SULT6B1: variants seen among roughly 807,000 people sequenced by gnomAD.
SULT6B1 encodes the protein sulfotransferase family 6B member 1.
Under a neutral mutation model 37.2 loss-of-function variants are expected in SULT6B1, and 44 were observed. The ratio of observed to expected loss-of-function variants is 1.18; its 90% CI spans 0.93 to 1.52. The LOEUF (loss-of-function observed/expected upper bound fraction) is 1.52. Among genes scored for constraint, SULT6B1 ranks in the 40% most tolerant of loss-of-function variants. The pLI is 0.00. For synonymous variants in SULT6B1, 140 were observed against 126.0 expected, an observed-to-expected ratio of 1.11 and a Z score of -0.74; for missense variants, 450 against 361.0, an observed-to-expected ratio of 1.25 and a Z score of -2.00.
upstream of SULT6B1, among the ~76,000 whole-genome samples, chr2:37,191,643 G>A (rs1384650651): frequency 6.6e-6 from 1 of 152,216 alleles, no homozygotes; most frequent in East Asian, 1.9e-4. Context: ...GAGTTTTATT[G>A]AACAATGGAA....
upstream of SULT6B1, among the ~76,000 whole-genome samples, chr2:37,190,214 A>T (rs1426484823): frequency 6.6e-6 from 1 of 152,232 alleles, no homozygotes. Flanking sequence ...GATAAGTCAA[A>T]TATCTATAAA....
chr2:37,195,610 T>C (rs1465872929), intron 1 of SULT6B1, among the ~76,000 whole-genome samples: 1 of 152,184 alleles, frequency 6.6e-6, no homozygotes, highest in Non-Finnish European at 1.5e-5. Context: ...TTATTTGTGG[T>C]AAATACCCCT....
chr2:37,190,066 A>T (rs1366894647), upstream of SULT6B1: 1 of 152,250 alleles, frequency 6.6e-6, no homozygotes, highest in African/African-American at 2.4e-5. Flanking sequence ...GTGAAAGAGC[A>T]TAATTGTTCA....
chr2:37,183,572 G>T, intron 2 of SULT6B1, 58 bp from the exon 3 acceptor site: 1 of 1,258,008 alleles, frequency 7.9e-7, no homozygotes, highest in Non-Finnish European at 1.2e-6. Context: ...GTGTGTGTGT[G>T]TTGAATCACT....
At chr2:37,187,328 G>A in intron 2 of SULT6B1, 27 bp downstream of exon 2, 1 of 1,391,300 alleles carries the variant, frequency 7.2e-7, no homozygotes, top group African/African-American at 1.4e-5. Flanking sequence ...ATAATTTGCT[G>A]TAAGGTTAAA....
At chr2:37,178,993 C>T (rs986645074) in intron 4 of SULT6B1, among the ~76,000 whole-genome samples, 3 of 152,082 alleles carry the variant, frequency 2.0e-5, no homozygotes, top group Non-Finnish European at 2.9e-5. Flanking sequence ...GACAGAGTCT[C>T]GCTTTGCCAA....
At position 37,176,340 on chromosome 2, in the gene SULT6B1, G is replaced by A. The variant is rs181913220; in HGVS notation, c.530-1114C>T. The stretch of plus-strand genomic sequence containing the variant: ...TGCAGTGGTGCAATCTCAGCTCACT[G>A]CAACCTCTGCCTCCCGGTTTCAAGC... On this transcript the variant is annotated intron_variant, in intron 4 of 6. Coordinates refer to ENST00000535679, the MANE Select transcript of SULT6B1 (RefSeq NM_001367551.1). Among the ~76,000 whole-genome samples the A allele has an allele frequency of 4.6e-5, 6 of 131,676 alleles. No individual in the cohort carries two copies. In the Admixed American group the frequency reaches 4.8e-4, roughly 11 times the overall value. 86.4% of individuals were successfully genotyped at this position (131,676 alleles called of 152,430 possible).
In SULT6B1 at chr2:37,167,982, T is replaced by A; in HGVS notation, c.865A>T (p.Thr289Ser). The change falls in exon 7 of 7, where the codon ACC becomes TCC. Residue 289 changes from threonine (T) to serine (S), a missense_variant. Transcript: ENST00000535679. The part of the protein sequence containing the change: ...DEKFKECLAG[T>S]SLGAKLKYES... ...TACTTCAACTTTGCTCCGAGGGAGGTGCCTGCTAAGCACTCTTTGAATTTT... is the reference window on the plus strand; with the variant it reads ...TACTTCAACTTTGCTCCGAGGGAGGAGCCTGCTAAGCACTCTTTGAATTTT... The A allele has an allele frequency of 6.2e-7, 1 of 1,600,312 alleles. No homozygotes were observed. Among genetic ancestry groups the A allele is most frequent in the Non-Finnish European group, 8.5e-7 (1 of 1,176,802 alleles).
chr2:37,186,102 G>T (rs1013706000), intron 2 of SULT6B1, among the ~76,000 whole-genome samples: 1 of 152,160 alleles, frequency 6.6e-6, no homozygotes, highest in Non-Finnish European at 1.5e-5. Context: ...CTTCCATCTA[G>T]GTTCCAACTT....
intron 2 of SULT6B1, among the ~76,000 whole-genome samples, chr2:37,184,875 C>A (rs1298425388): frequency 6.6e-6 from 1 of 151,308 alleles, no homozygotes; most frequent in East Asian, 1.9e-4. Flanking sequence ...TCAACTCAAG[C>A]AAGGGGGCAA....
intron 3 of SULT6B1, among the ~76,000 whole-genome samples, chr2:37,182,951 G>GT (rs1400396087): frequency 6.6e-6 from 1 of 152,188 alleles, no homozygotes. Flanking sequence ...GGAGGCCTTG[G>GT]TGGCAGAAGG....
chr2:37,188,537 T>C lies in SULT6B1; in HGVS notation c.104A>G (p.Tyr35Cys). ...TTCTGAGGTGCACATGGTGATGGGG[T>C]AAGGAATCCCCTGATAGGTGAAAAA... ...HLFFTYQGIP[Y>C]PITMCTSETF... Residue 35 changes from tyrosine (Y) to cysteine (C), a missense_variant, in exon 1 of 7, where the codon TAC (tyrosine) becomes TGC (cysteine). Coordinates refer to ENST00000535679, the MANE Select transcript of SULT6B1 (RefSeq NM_001367551.1). 1 of 1,613,956 alleles carries C rather than the reference T, an allele frequency of 6.2e-7. No homozygotes were observed.
At chr2:37,182,285 G>C (rs10168505) in intron 3 of SULT6B1, among the ~76,000 whole-genome samples, 1 of 147,452 alleles carries the variant, frequency 6.8e-6, no homozygotes, top group African/African-American at 2.5e-5. Flanking sequence ...ACAAGGTCTC[G>C]CTCTGCCGCC....
chr2:37,183,784 C>T (rs147138476), intron 2 of SULT6B1, among the ~76,000 whole-genome samples: 1 of 152,132 alleles, frequency 6.6e-6, no homozygotes, highest in African/African-American at 2.4e-5. Context: ...GCTGGGTTTA[C>T]AGGTATCTAC....
Position 37,175,124 on chromosome 2 carries a change from A to C in SULT6B1, c.624+8T>G. The C allele has an allele frequency of 6.6e-7, 1 of 1,516,130 alleles. No homozygotes were observed. Among genetic ancestry groups the C allele is most frequent in the South Asian group, 1.3e-5 (1 of 76,868 alleles). The allele number at this position is 1,516,130 out of a possible 1,614,324, so 93.9% of individuals were successfully genotyped here. A position where few individuals can be genotyped will look rare whatever the true frequency, so the allele number is the denominator to read the frequency against. ...AATTTTGCTCTAAAATATCAATAAT[A>C]ATCTCACCTCTTTCAGGTCTTCATA... On this transcript the variant is annotated splice_region_variant and intron_variant, in intron 5 of 6. Transcript: ENST00000535679.
chr2:37,170,987 C>G (rs1331583168), intron 6 of SULT6B1, among the ~76,000 whole-genome samples: 1 of 152,100 alleles, frequency 6.6e-6, no homozygotes, highest in Non-Finnish European at 1.5e-5. Flanking sequence ...GCCTGTAATC[C>G]CAGCACTTCG....
chr2:37,175,019 A>T, intron 5 of SULT6B1, 113 bp downstream of exon 5: 1 of 551,160 alleles, frequency 1.8e-6, no homozygotes, highest in South Asian at 4.7e-5. Flanking sequence ...TATATCTGGA[A>T]TATTTTTAAA....
chr2:37,194,621 C>T (rs1273069649), intron 1 of SULT6B1: 3 of 344,808 alleles, frequency 8.7e-6, no homozygotes, highest in Non-Finnish European at 1.7e-5. Flanking sequence ...GAGGGACATG[C>T]TTCTTGAAGC....
At chr2:37,176,668 A>G (rs1427095875) in intron 4 of SULT6B1, among the ~76,000 whole-genome samples, 1 of 151,776 alleles carries the variant, frequency 6.6e-6, no homozygotes. Flanking sequence ...ATTTTCTGTC[A>G]CAAATACCGT....
Sources: allele counts gnomAD v4.1 joint callset (sites outside exome capture counted in the v4.1 genomes callset), GRCh38; gene constraint gnomAD v4.1.1; transcripts MANE v1.5; gene names NCBI Gene and HGNC (gene_info 2026-07-23, HGNC 2026-07-21).